CSMD2: variants seen among roughly 807,000 people sequenced by gnomAD.
CSMD2 encodes CUB and sushi domain-containing protein 2.
In CSMD2, 130 loss-of-function variants were observed where a neutral mutation model predicts 398.5. The ratio of observed to expected loss-of-function variants is 0.33; its 90% CI spans 0.28 to 0.38. The LOEUF is 0.38. Among genes scored for constraint, CSMD2 ranks in the 10% least tolerant of loss-of-function variants. The pLI is 1.00. For missense variants in CSMD2, 3,829 were observed against 4,764.9 expected (o/e 0.80, Z 5.78); for synonymous variants, 1,828 against 1,908.5 (o/e 0.96, Z 1.10).
Position 33,864,887 on chromosome 1 carries a change from G to C in CSMD2, c.921-17891C>G, listed in dbSNP as rs1639867170. The C allele has an allele frequency of 9.0e-6, 6 of 667,132 alleles. No individual in the cohort carries two copies. The East Asian group carries it at 1.8e-4, about 20-fold the overall frequency. The allele number at this position is 667,132 out of a possible 1,614,324, so 41.3% of individuals were successfully genotyped here. A position where few individuals can be genotyped will look rare whatever the true frequency, so the allele number is the denominator to read the frequency against. On this transcript the variant is annotated intron_variant, in intron 5 of 70. Coordinates refer to ENST00000373381, the MANE Select transcript of CSMD2 (RefSeq NM_001281956.2). ...TTGGTAGAGGAGAGACTGATCCTGA[G>C]GAGGGGAACGGAGAGGACGGGAAGG...
chr1:33,638,796 A>C (rs1489791547), intron 29 of CSMD2, among the ~76,000 whole-genome samples: 3 of 152,132 alleles, frequency 2.0e-5, no homozygotes, highest in African/African-American at 7.2e-5. Context: ...CAGCTACTTA[A>C]AATTGCAATA....
Position 33,533,217 on chromosome 1 carries a change from C to T in CSMD2, c.10004G>A (p.Arg3335Lys). Reference protein sequence around the residue: ...TPPDCVPHHCRQPETPTHANV... With the variant: ...TPPDCVPHHCKQPETPTHANV... ...GGCATGCGTTGGCGTCTCTGGCTGC[C>T]TGCAGTGGTGGGCTGGATGAGAGGA... The change falls in exon 64 of 71, where the codon AGG becomes AAG. Residue 3335 changes from arginine to lysine, a missense_variant. Transcript: ENST00000373381. This position sits in a 1 kb window ranked among gnomAD's most constrained non-coding sequence, Gnocchi z 4.2. 1.9e-6 allele frequency: 3 copies of T among 1,613,944 alleles called. No individual in the cohort carries two copies. The highest frequency in any genetic ancestry group is 2.5e-6 in the Non-Finnish European group (3 of 1,179,990).
At chr1:33,818,254 T>C (rs542655232) in intron 9 of CSMD2, among the ~76,000 whole-genome samples, 12 of 152,316 alleles carry the variant, frequency 7.9e-5, no homozygotes, top group African/African-American at 2.6e-4. Context: ...CTCCCTGGCA[T>C]TGGAGTGGTA....
At chr1:33,672,331 C>A (rs144990225) in intron 25 of CSMD2, among the ~76,000 whole-genome samples, 4,115 of 152,352 alleles carry the variant, frequency 0.027, 193 homozygotes, top group African/African-American at 0.093. Context: ...TATTCCGCAC[C>A]TGGCTCGGAG....
chr1:33,831,572 G>C (rs1659566050), intron 6 of CSMD2, among the ~76,000 whole-genome samples: 1 of 151,736 alleles, frequency 6.6e-6, no homozygotes, highest in African/African-American at 2.4e-5. Flanking sequence ...AAAATGTAAA[G>C]ACCATCGAGA....
At chr1:33,891,256 C>T (rs1345494863) in intron 5 of CSMD2, among the ~76,000 whole-genome samples, 3 of 151,316 alleles carry the variant, frequency 2.0e-5, no homozygotes, top group African/African-American at 7.3e-5. Context: ...ACAGACATTT[C>T]TCAAAAGAAG....
At chr1:34,098,357 T>C (rs1312049876) in intron 1 of CSMD2, among the ~76,000 whole-genome samples, 8 of 147,102 alleles carry the variant, frequency 5.4e-5, no homozygotes, top group Non-Finnish European at 1.2e-4. Flanking sequence ...GGCACATGTA[T>C]ACGTATGTAA....
intron 2 of CSMD2, among the ~76,000 whole-genome samples, chr1:34,086,961 C>T (rs868628333): frequency 6.6e-6 from 1 of 152,022 alleles, no homozygotes; most frequent in Non-Finnish European, 1.5e-5. Flanking sequence ...CTCCTGCATA[C>T]CCTCCTTTGC....
chr1:34,121,885 T>C (rs1662220611), intron 1 of CSMD2, among the ~76,000 whole-genome samples: 3 of 152,096 alleles, frequency 2.0e-5, no homozygotes, highest in Admixed American at 6.6e-5. Context: ...GACTTCACTA[T>C]TGCTGCTGAG....
chr1:33,617,415 T>C, intron 38 of CSMD2, 84 bp downstream of exon 38: 1 of 1,013,134 alleles, frequency 9.9e-7, no homozygotes. Flanking sequence ...TGTTCTTTGG[T>C]GACTGTAGCT....
intron 6 of CSMD2, among the ~76,000 whole-genome samples, chr1:33,833,403 C>G (rs1348948929): frequency 1.3e-5 from 2 of 150,722 alleles, no homozygotes; most frequent in Non-Finnish European, 2.9e-5. Flanking sequence ...ACAAAAACCA[C>G]ATGATTATCT....
In CSMD2 at chr1:33,519,682, CG is replaced by C. The variant is rs752245115; in HGVS notation, c.10737-6del. On this transcript the variant is annotated splice_region_variant and splice_polypyrimidine_tract_variant and intron_variant, in intron 69 of 70. Coordinates refer to ENST00000373381, the MANE Select transcript of CSMD2 (RefSeq NM_001281956.2). The surrounding 1 kb of genome is among the most constrained non-coding windows in gnomAD (Gnocchi z 5.6). ...AAAGGAACTTTGGGTCTTCTCCTGG[CG>C]ATAAAAGAGGAAGTGCCCACGGCAT... 1 of 1,613,802 alleles carries C rather than the reference CG, an allele frequency of 6.2e-7. No individual in the cohort carries two copies.
intron 28 of CSMD2, among the ~76,000 whole-genome samples, chr1:33,648,024 T>C (rs917204921): frequency 1.3e-5 from 2 of 152,192 alleles, no homozygotes; most frequent in Admixed American, 1.3e-4. Context: ...AACTTTCTAC[T>C]TGATGGGTGT....
intron 56 of CSMD2, among the ~76,000 whole-genome samples, chr1:33,548,496 G>A (rs1412725776): frequency 6.6e-6 from 1 of 152,202 alleles, no homozygotes; most frequent in Non-Finnish European, 1.5e-5. Flanking sequence ...AAGGACTTAA[G>A]AGGTTTTGTT....
intron 49 of CSMD2, among the ~76,000 whole-genome samples, chr1:33,573,066 T>A (rs2487749): frequency 0.5 from 75,866 of 151,996 alleles, 19,192 homozygotes; most frequent in Admixed American, 0.63. Flanking sequence ...TCTCTTAGGA[T>A]GAATTAGGGC....
chr1:33,881,632 T>G (rs1373505133), intron 5 of CSMD2, among the ~76,000 whole-genome samples: 1 of 151,422 alleles, frequency 6.6e-6, no homozygotes, highest in African/African-American at 2.4e-5. Context: ...TGGGATGGAG[T>G]CGGATTATAA....
intron 44 of CSMD2, among the ~76,000 whole-genome samples, chr1:33,597,808 T>C (rs1374240701): frequency 6.6e-6 from 1 of 152,240 alleles, no homozygotes; most frequent in Non-Finnish European, 1.5e-5. Context: ...ACAATGTTCT[T>C]ATTGCTTGAA....
chr1:33,663,395 T>C (rs1291288079), intron 25 of CSMD2, among the ~76,000 whole-genome samples: 1 of 151,884 alleles, frequency 6.6e-6, no homozygotes, highest in Non-Finnish European at 1.5e-5. Flanking sequence ...CAACCTTACA[T>C]AGCCCGCAGA....
At chr1:34,131,133 C>T (rs970076059) in intron 1 of CSMD2, among the ~76,000 whole-genome samples, 6 of 152,148 alleles carry the variant, frequency 3.9e-5, no homozygotes, top group Non-Finnish European at 7.3e-5. Flanking sequence ...TTATTAAGTA[C>T]CTGCCATGCA....
Sources: allele counts gnomAD v4.1 joint callset (sites outside exome capture counted in the v4.1 genomes callset), GRCh38; gene constraint gnomAD v4.1.1; non-coding constraint Gnocchi (gnomAD v3.1); transcripts MANE v1.5; gene names NCBI Gene and HGNC (gene_info 2026-07-23, HGNC 2026-07-21).